The following ZNF236 variants were observed in gnomAD, a reference collection of about 807,000 sequenced individuals.
ZNF236 encodes the protein regulated by glucose.
In ZNF236, 50 loss-of-function variants were observed where a neutral mutation model predicts 191.2. The ratio of observed to expected loss-of-function variants is 0.26; its 90% CI spans 0.21 to 0.33. The LOEUF (loss-of-function observed/expected upper bound fraction) is 0.33. Ranked by LOEUF, ZNF236 falls within the 10% of genes least tolerant of loss-of-function variation. ZNF236 has a pLI of 1.00. For synonymous variants in ZNF236, 907 were observed against 928.8 expected, an observed-to-expected ratio of 0.98 and a Z score of 0.43; for missense variants, 1,754 against 2,374.5, an observed-to-expected ratio of 0.74 and a Z score of 5.43.
At chr18:76,910,516 G>A (rs1203862236) in intron 15 of ZNF236, 144 bp from the exon 16 acceptor site, 2 of 818,434 alleles carry the variant, frequency 2.4e-6, no homozygotes, top group Non-Finnish European at 3.7e-6. Flanking sequence ...CAGTGTTAAA[G>A]CTTGCTAATA....
rs763590182 is a variant in ZNF236 at position 76,927,861 on chromosome 18, A to T, written c.4415-66A>T. 4 of 1,184,186 alleles carry T rather than the reference A, an allele frequency of 3.4e-6. No homozygotes were observed. Among genetic ancestry groups the T allele is most frequent in the Admixed American group, 2.7e-5 (1 of 37,252 alleles). The allele number at this position is 1,184,186 out of a possible 1,614,324, so 73.4% of individuals were successfully genotyped here. On this transcript the variant is annotated intron_variant, in intron 24 of 30. Coordinates refer to ENST00000320610, the MANE Select transcript of ZNF236 (RefSeq NM_001306089.2). This position sits in a 1 kb window ranked among gnomAD's most constrained non-coding sequence, Gnocchi z 5.4. ...TAACAGTTTAATTAAAATATTTTTAATATAAAAACAGGGGAAATTGGTTAT... is the reference window on the plus strand; with the variant it reads ...TAACAGTTTAATTAAAATATTTTTATTATAAAAACAGGGGAAATTGGTTAT...
In ZNF236 at chr18:76,895,041, C is replaced by T; in HGVS notation, c.1446C>T (p.Arg482=). The T allele has an allele frequency of 6.2e-7, 1 of 1,610,954 alleles. No homozygotes were observed. The highest frequency in any genetic ancestry group is 8.5e-7 in the Non-Finnish European group (1 of 1,179,998). The change falls in exon 10 of 31, where the codon CGC becomes CGT. Residue 482 remains arginine, a synonymous_variant. Coordinates refer to ENST00000320610, the MANE Select transcript of ZNF236 (RefSeq NM_001306089.2). ...PGSIREENGV[R]WHVCPYCAKE... is the part of the protein sequence containing the mutation. ...CCATCCGCGAGGAGAACGGCGTGCG[C>T]TGGCATGTGTGTCCCTACTGCGCCA...
At chr18:76,897,023 A>C (rs1214546710) in intron 10 of ZNF236, among the ~76,000 whole-genome samples, 1 of 151,658 alleles carries the variant, frequency 6.6e-6, no homozygotes, top group Non-Finnish European at 1.5e-5. Flanking sequence ...GCACACAGGT[A>C]CCAAACAGTA....
chr18:76,874,452 A>G (rs182441452), intron 5 of ZNF236, among the ~76,000 whole-genome samples: 2 of 152,156 alleles, frequency 1.3e-5, no homozygotes, highest in East Asian at 3.9e-4. Context: ...ACTGCATGCT[A>G]GTGTGCACAG....
At chr18:76,914,675 C>T (rs547803138) in intron 18 of ZNF236, among the ~76,000 whole-genome samples, 14 of 152,256 alleles carry the variant, frequency 9.2e-5, no homozygotes, top group South Asian at 6.2e-4. Flanking sequence ...CTTTCACAGA[C>T]GCTGAGAAAT....
At chr18:76,947,853 G>A (rs1449579179) in intron 27 of ZNF236, among the ~76,000 whole-genome samples, 6 of 152,034 alleles carry the variant, frequency 3.9e-5, no homozygotes, top group Non-Finnish European at 7.4e-5. Context: ...TATCTCATTC[G>A]TTTTGTGATT....
Position 76,928,013 on chromosome 18 carries a change from A to G in ZNF236, c.4501A>G (p.Asn1501Asp), listed in dbSNP as rs1328110148. Residue 1501 changes from asparagine to aspartate, a missense_variant, in exon 25 of 31, where the codon AAC becomes GAC. By Grantham distance (23) the Asn-to-Asp change is conservative. This residue lies in a region of ZNF236 where 606 missense variants were observed against 761.5 expected (regional missense o/e 0.80). Coordinates refer to ENST00000320610, the MANE Select transcript of ZNF236 (RefSeq NM_001306089.2). The stretch of plus-strand genomic sequence containing the variant: ...CCACGAGATCACCCTGACCATTAAC[A>G]ACTCCAGCCTGAGCCAGGTCCTGGC... ...GPHEITLTINNSSLSQVLAQA... is the reference protein window; with the variant it reads ...GPHEITLTINDSSLSQVLAQA... 6.2e-7 allele frequency: 1 copy of G among 1,613,608 alleles called. No homozygotes were observed. Among genetic ancestry groups the G allele is most frequent in the African/African-American group, 1.3e-5 (1 of 74,846 alleles).
At chr18:76,906,739 C>A (rs1216675360) in intron 13 of ZNF236, among the ~76,000 whole-genome samples, 1 of 152,148 alleles carries the variant, frequency 6.6e-6, no homozygotes, top group South Asian at 2.1e-4. Flanking sequence ...TCGAGGGACA[C>A]ATGTAGGAGA....
chr18:76,850,265 A>G (rs1166324678), intron 2 of ZNF236, among the ~76,000 whole-genome samples: 1 of 152,220 alleles, frequency 6.6e-6, no homozygotes, highest in Non-Finnish European at 1.5e-5. Context: ...CATGTAAGCT[A>G]GTGAGCCATT....
In ZNF236 at chr18:76,927,253, A is replaced by T. The variant is rs1192992268; in HGVS notation, c.4174-24A>T. ...CACAGAGAAGCATGAAGTTTTCATT[A>T]CAAGTACCTGTGCTGCTTTTCAGAT... On this transcript the variant is annotated intron_variant, in intron 23 of 30. Transcript: ENST00000320610. This position sits in a 1 kb window ranked among gnomAD's most constrained non-coding sequence, Gnocchi z 5.4. 1.9e-6 allele frequency: 3 copies of T among 1,612,978 alleles called. No homozygotes were observed. Among genetic ancestry groups the T allele is most frequent in the South Asian group, 1.1e-5 (1 of 91,058 alleles).
intron 25 of ZNF236, among the ~76,000 whole-genome samples, chr18:76,935,799 T>A (rs1464056906): frequency 2.0e-5 from 3 of 152,226 alleles, no homozygotes; most frequent in African/African-American, 7.2e-5. Flanking sequence ...GCTGTACTGG[T>A]CACTGGAACG....
In ZNF236 at chr18:76,925,538, C is replaced by T. The variant is rs2122830469; in HGVS notation, c.4011C>T (p.Leu1337=). The T allele has an allele frequency of 1.2e-6, 2 of 1,613,138 alleles. No individual in the cohort carries two copies. Among genetic ancestry groups the T allele is most frequent in the Non-Finnish European group, 1.7e-6 (2 of 1,179,948 alleles). Reference sequence around the variant, plus strand: ...CAGGACTGGTGGGCCAAGCTATTCTCCCTGCCTCTGTGTCAGGTAAACGCT... The same window carrying T: ...CAGGACTGGTGGGCCAAGCTATTCTTCCTGCCTCTGTGTCAGGTAAACGCT... The part of the protein sequence containing the change: ...LQPGLVGQAI[L]PASVSAGGDL... Residue 1337 remains leucine, a synonymous_variant, in exon 22 of 31, where the codon CTC becomes CTT. Transcript: ENST00000320610. This position sits in a 1 kb window ranked among gnomAD's most constrained non-coding sequence, Gnocchi z 5.7.
chr18:76,959,307 A>G lies in ZNF236; in HGVS notation c.5113-380A>G, dbSNP rs1015323934. 2.0e-5 allele frequency among the ~76,000 whole-genome samples: 3 copies of G among 152,144 alleles called. No homozygotes were observed. In the East Asian group the frequency reaches 5.8e-4, roughly 29 times the overall value. ...ACATATGGGTGGACTCGTGTGTGAA[A>G]CGGGGACAGGATCCCCCACAGCCAA... On this transcript the variant is annotated intron_variant, in intron 28 of 30. Coordinates refer to ENST00000320610, the MANE Select transcript of ZNF236 (RefSeq NM_001306089.2).
chr18:76,837,437 CTTTTT>C (rs71760598), intron 1 of ZNF236, among the ~76,000 whole-genome samples: 11 of 105,876 alleles, frequency 1.0e-4, no homozygotes, highest in Admixed American at 3.0e-4. Context: ...TTTTCTTTTT[CTTTTT>C]TTTTTTTTTT....
At chr18:76,843,840 G>T (rs897013458) in intron 1 of ZNF236, among the ~76,000 whole-genome samples, 2 of 144,864 alleles carry the variant, frequency 1.4e-5, no homozygotes, top group African/African-American at 5.0e-5. Flanking sequence ...GCTCACGCCT[G>T]TAATCCCAGC....
chr18:76,927,417 G>T lies in ZNF236; in HGVS notation c.4314G>T (p.Gln1438His). The change falls in exon 24 of 31, where the codon CAG becomes CAT. Residue 1438 changes from glutamine to histidine, a missense_variant. By Grantham distance (24) the Gln-to-His change is conservative. Transcript: ENST00000320610. This position sits in a 1 kb window ranked among gnomAD's most constrained non-coding sequence, Gnocchi z 5.4. ...DSTVPASVVI[Q>H]PISGLSLQPT... ...CGGTCCCTGCCAGTGTTGTCATCCA[G>T]CCCATCTCAGGCCTGTCCTTACAGC... The T allele has an allele frequency of 1.2e-6, 2 of 1,614,184 alleles. No individual in the cohort carries two copies. Among genetic ancestry groups the T allele is most frequent in the Non-Finnish European group, 8.5e-7 (1 of 1,180,032 alleles).
chr18:76,867,111 G>T (rs1976439375), intron 3 of ZNF236, among the ~76,000 whole-genome samples: 1 of 152,162 alleles, frequency 6.6e-6, no homozygotes, highest in Non-Finnish European at 1.5e-5. Context: ...GTATCAGTAC[G>T]GAGAGGAGCG....
chr18:76,921,558 T>C (rs1967533207), intron 20 of ZNF236, among the ~76,000 whole-genome samples: 1 of 151,948 alleles, frequency 6.6e-6, no homozygotes, highest in Non-Finnish European at 1.5e-5. Flanking sequence ...GGTGGAGTCA[T>C]AGATGAGAAA....
At chr18:76,967,720 G>T (rs1250033315) in intron 30 of ZNF236, among the ~76,000 whole-genome samples, 1 of 148,752 alleles carries the variant, frequency 6.7e-6, no homozygotes, top group African/African-American at 2.5e-5. Flanking sequence ...GTTGGAGGTG[G>T]TGGTGTGCTC....
Sources: gnomAD v4.1 joint callset for allele counts (sites outside exome capture counted in the v4.1 genomes callset) on GRCh38, gnomAD v4.1.1 for gene constraint, gnomAD v4.1.1 regional missense constraint, Gnocchi (gnomAD v3.1) non-coding constraint, MANE v1.5 for transcripts, NCBI Gene and HGNC (gene_info 2026-07-23, HGNC 2026-07-21) for gene names.